The following SLC24A2 variants were observed in gnomAD, a reference collection of about 807,000 sequenced individuals.
SLC24A2 encodes the protein sodium/potassium/calcium exchanger 2.
Under a neutral mutation model 62.0 loss-of-function variants are expected in SLC24A2, and 36 were observed. The observed-to-expected ratio is 0.58, with a 90% CI of 0.44 to 0.77. SLC24A2 has a LOEUF of 0.77. SLC24A2 is among the 30% of genes least tolerant of loss of function. SLC24A2 has a pLI of 0.00. For synonymous variants in SLC24A2, 358 were observed against 294.0 expected, an observed-to-expected ratio of 1.22 and a Z score of -2.23; for missense variants, 846 against 817.9, an observed-to-expected ratio of 1.03 and a Z score of -0.42.
chr9:19,788,134 T>C (rs1823232425), intron 1 of SLC24A2, among the ~76,000 whole-genome samples: 1 of 152,174 alleles, frequency 6.6e-6, no homozygotes, highest in East Asian at 1.9e-4. Flanking sequence ...ACTTAAATAC[T>C]GAGATTAGCT....
chr9:20,234,633 T>A, the SLC24A2 span, among the ~76,000 whole-genome samples: 2 of 152,210 alleles, frequency 1.3e-5, no homozygotes, highest in Non-Finnish European at 2.9e-5. Flanking sequence ...TTAATCTAAT[T>A]TGTTTTCAAA....
the SLC24A2 span, among the ~76,000 whole-genome samples, chr9:19,916,219 T>G: frequency 6.6e-6 from 1 of 152,026 alleles, no homozygotes; most frequent in Non-Finnish European, 1.5e-5. Context: ...TGACCATACA[T>G]GTATGGTTTA....
At chr9:20,042,492 C>G in the SLC24A2 span, among the ~76,000 whole-genome samples, 1 of 152,198 alleles carries the variant, frequency 6.6e-6, no homozygotes, top group Admixed American at 6.5e-5. Flanking sequence ...CCAAAGTTAT[C>G]TAACCCTAGG....
chr9:19,551,679 C>T (rs1457800768), intron 7 of SLC24A2, among the ~76,000 whole-genome samples: 1 of 152,172 alleles, frequency 6.6e-6, no homozygotes, highest in Non-Finnish European at 1.5e-5. Context: ...AACAGCGCCC[C>T]CCTCCAGCAC....
the SLC24A2 span, among the ~76,000 whole-genome samples, chr9:19,884,450 A>G: frequency 1.3e-5 from 2 of 152,228 alleles, no homozygotes; most frequent in Non-Finnish European, 2.9e-5. Flanking sequence ...AAAGGAAACT[A>G]TGAGCAAGTT....
the SLC24A2 span, among the ~76,000 whole-genome samples, chr9:19,825,721 TTG>T: frequency 6.6e-6 from 1 of 152,186 alleles, no homozygotes; most frequent in Non-Finnish European, 1.5e-5. Context: ...AGCAGCCAGA[TTG>T]TGTCTCTTGC....
At chr9:19,766,930 T>C (rs999964630) in intron 2 of SLC24A2, among the ~76,000 whole-genome samples, 1 of 152,066 alleles carries the variant, frequency 6.6e-6, no homozygotes, top group Non-Finnish European at 1.5e-5. Context: ...CCCAGGGAGA[T>C]GGGAGTTTTA....
intron 7 of SLC24A2, among the ~76,000 whole-genome samples, chr9:19,560,578 C>T (rs1034077606): frequency 2.0e-5 from 3 of 152,184 alleles, no homozygotes; most frequent in Non-Finnish European, 4.4e-5. Context: ...TTACCAGAGA[C>T]TGAATCTGCC....
chr9:19,648,605 G>T (rs999074319), intron 2 of SLC24A2, among the ~76,000 whole-genome samples: 2 of 152,154 alleles, frequency 1.3e-5, no homozygotes, highest in African/African-American at 4.8e-5. Flanking sequence ...CCCAGAATAG[G>T]AGACTATTTT....
the SLC24A2 span, among the ~76,000 whole-genome samples, chr9:20,083,478 A>G: frequency 2.0e-5 from 3 of 152,238 alleles, no homozygotes; most frequent in Non-Finnish European, 4.4e-5. Context: ...AGTTGGAAGC[A>G]AAAATAACCA....
At chr9:19,946,666 C>T in the SLC24A2 span, among the ~76,000 whole-genome samples, 1 of 152,212 alleles carries the variant, frequency 6.6e-6, no homozygotes, top group Non-Finnish European at 1.5e-5. Context: ...CCAGCAGATG[C>T]CAGCACTTCC....
At chr9:19,810,968 A>G in the SLC24A2 span, among the ~76,000 whole-genome samples, 1 of 138,758 alleles carries the variant, frequency 7.2e-6, no homozygotes, top group Non-Finnish European at 1.6e-5. Context: ...TCTTCTTCTT[A>G]TTCTCTCCAC....
chr9:19,991,051 TAC>T, the SLC24A2 span, among the ~76,000 whole-genome samples: 2 of 150,530 alleles, frequency 1.3e-5, no homozygotes, highest in African/African-American at 4.9e-5. Flanking sequence ...CATACATACA[TAC>T]ATACATACAT....
the SLC24A2 span, among the ~76,000 whole-genome samples, chr9:19,844,264 G>C: frequency 6.6e-6 from 1 of 152,118 alleles, no homozygotes; most frequent in South Asian, 2.1e-4. Context: ...TTTCTCTAGT[G>C]ATCAATGACG....
chr9:20,197,306 T>A, the SLC24A2 span, among the ~76,000 whole-genome samples: 1 of 152,180 alleles, frequency 6.6e-6, no homozygotes, highest in East Asian at 1.9e-4. Flanking sequence ...AGGAAAAGAG[T>A]CCCCTTCCTA....
chr9:19,897,396 A>G, the SLC24A2 span, among the ~76,000 whole-genome samples: 1 of 152,178 alleles, frequency 6.6e-6, no homozygotes, highest in African/African-American at 2.4e-5. Flanking sequence ...TCTTTTAGAC[A>G]TGTACTAAAA....
chr9:19,647,618 A>G (rs118040999), intron 2 of SLC24A2, among the ~76,000 whole-genome samples: 76 of 152,350 alleles, frequency 5.0e-4, no homozygotes, highest in South Asian at 1.5e-3. Context: ...ACATATACAG[A>G]TACAAGAGAA....
chr9:19,544,356 GC>G (rs1302773248), intron 8 of SLC24A2, among the ~76,000 whole-genome samples: 3 of 150,210 alleles, frequency 2.0e-5, no homozygotes, highest in African/African-American at 7.4e-5. Flanking sequence ...CCTGAATACA[GC>G]CACTGATGGG....
At chr9:19,693,934 G>A (rs1820113410) in intron 2 of SLC24A2, among the ~76,000 whole-genome samples, 2 of 152,020 alleles carry the variant, frequency 1.3e-5, no homozygotes, top group African/African-American at 4.8e-5. Context: ...AAAACAGATA[G>A]GTTGGGGGAG....
Sources: gnomAD v4.1 joint callset for allele counts (sites outside exome capture counted in the v4.1 genomes callset) on GRCh38, gnomAD v4.1.1 for gene constraint, MANE v1.5 for transcripts, NCBI Gene and HGNC (gene_info 2026-07-23, HGNC 2026-07-21) for gene names.